The following ITGA1 variants were observed in gnomAD, a reference collection of about 807,000 sequenced individuals.
ITGA1 encodes integrin alpha-1.
A neutral mutation model predicts 145.9 loss-of-function variants in ITGA1; 85 were observed. The observed-to-expected ratio is 0.58, with a 90% CI of 0.49 to 0.70. ITGA1 has a LOEUF of 0.70. Ranked by LOEUF, ITGA1 falls within the 30% of genes least tolerant of loss-of-function variation. The pLI is 0.00. For missense variants in ITGA1, 1,351 were observed against 1,418.7 expected (o/e 0.95, Z 0.77); for synonymous variants, 520 against 495.3 (o/e 1.05, Z -0.66).
Position 52,908,938 on chromosome 5 carries a change from T to C in ITGA1, c.1496T>C (p.Ile499Thr). ...YFGSILTTTD[I>T]DKDSNTDILL... ...GGCAGTATTTTAACAACAACTGACA[T>C]TGACAAGGATTCTAATACTGACATT... is the stretch of plus-strand genomic sequence containing the variant. Residue 499 changes from isoleucine to threonine, a missense_variant, in exon 13 of 29, where the codon ATT becomes ACT. Physicochemically the swap from Ile to Thr is moderately conservative, Grantham distance 89. Transcript: ENST00000282588. The C allele has an allele frequency of 6.2e-7, 1 of 1,613,902 alleles. No homozygotes were observed. Among genetic ancestry groups the C allele is most frequent in the Non-Finnish European group, 8.5e-7 (1 of 1,179,858 alleles).
intron 12 of ITGA1, among the ~76,000 whole-genome samples, chr5:52,906,844 G>A (rs1307825932): frequency 6.6e-6 from 1 of 152,148 alleles, no homozygotes; most frequent in African/African-American, 2.4e-5. Flanking sequence ...CAGCAGTAAA[G>A]CTCAGGTGCA....
intron 15 of ITGA1, 90 bp from the exon 16 acceptor site, chr5:52,918,642 C>A: frequency 2.4e-6 from 3 of 1,264,132 alleles, no homozygotes; most frequent in South Asian, 1.5e-5. Context: ...GAAGCAGAAC[C>A]CTCTTCCATG....
At chr5:52,948,320 ATAGT>A (rs1284750109) in intron 28 of ITGA1, among the ~76,000 whole-genome samples, 3 of 152,210 alleles carry the variant, frequency 2.0e-5, no homozygotes, top group Non-Finnish European at 4.4e-5. Flanking sequence ...GTTTTGTTAA[ATAGT>A]TAAATTATGT....
intron 1 of ITGA1, chr5:52,800,670 G>A: frequency 6.2e-7 from 1 of 1,614,214 alleles, no homozygotes; most frequent in East Asian, 2.2e-5. Context: ...AAGAGAATGA[G>A]TATGTCAAGA....
chr5:52,917,858 T>C (rs1750671064), intron 15 of ITGA1, among the ~76,000 whole-genome samples: 1 of 152,214 alleles, frequency 6.6e-6, no homozygotes, highest in African/African-American at 2.4e-5. Flanking sequence ...GAGTCCATTG[T>C]TTTAACAGAA....
In ITGA1 at chr5:52,893,742, C is replaced by A; in HGVS notation, c.992C>A (p.Ala331Glu). The stretch of plus-strand genomic sequence containing the variant: ...TTTGTGGAGGAAATAAAATCAATTG[C>A]AAGTGAACCCACTGAAAAGCATTTC... ...EKFVEEIKSIASEPTEKHFFN... is the reference protein window; with the variant it reads ...EKFVEEIKSIESEPTEKHFFN... The change falls in exon 9 of 29, where the codon GCA becomes GAA. Residue 331 changes from alanine (A) to glutamate (E), a missense_variant. By Grantham distance (107) the Ala-to-Glu change is moderately radical. Coordinates refer to ENST00000282588, the MANE Select transcript of ITGA1 (RefSeq NM_181501.2). 6.2e-7 allele frequency: 1 copy of A among 1,612,712 alleles called. No homozygotes were observed. The highest frequency in any genetic ancestry group is 8.5e-7 in the Non-Finnish European group (1 of 1,179,014).
intron 28 of ITGA1, among the ~76,000 whole-genome samples, chr5:52,948,376 C>A (rs868110082): frequency 2.0e-5 from 3 of 152,086 alleles, no homozygotes. Context: ...GTTCTATTAC[C>A]TGAGCAACAT....
intron 1 of ITGA1, among the ~76,000 whole-genome samples, chr5:52,834,050 C>T (rs1344353599): frequency 2.6e-5 from 4 of 152,130 alleles, no homozygotes; most frequent in African/African-American, 4.8e-5. Context: ...CAATATAGAA[C>T]AATGTACAAT....
chr5:52,936,677 T>C (rs1045042033), intron 23 of ITGA1, among the ~76,000 whole-genome samples: 1 of 152,208 alleles, frequency 6.6e-6, no homozygotes, highest in Non-Finnish European at 1.5e-5. Flanking sequence ...GTGAGTTCAG[T>C]TTCCTGTTGA....
chr5:52,801,824 G>A, intron 1 of ITGA1: 2 of 1,604,754 alleles, frequency 1.2e-6, no homozygotes, highest in Non-Finnish European at 1.7e-6. Flanking sequence ...GGTGATTCCA[G>A]TTCTGAAGAG....
intron 6 of ITGA1, among the ~76,000 whole-genome samples, chr5:52,872,320 T>A (rs186427616): frequency 6.6e-5 from 10 of 152,184 alleles, no homozygotes; most frequent in Non-Finnish European, 1.3e-4. Flanking sequence ...GAATGTGGGG[T>A]AGGGAATGGG....
At chr5:52,800,891 A>G in intron 1 of ITGA1, 1 of 1,613,314 alleles carries the variant, frequency 6.2e-7, no homozygotes, top group Non-Finnish European at 8.5e-7. Context: ...GTGGAGGTGA[A>G]CATCCCTAGG....
chr5:52,796,963 G>A (rs1468021918), intron 1 of ITGA1, among the ~76,000 whole-genome samples: 4 of 152,056 alleles, frequency 2.6e-5, no homozygotes, highest in Non-Finnish European at 5.9e-5. Flanking sequence ...AGGGAACAAA[G>A]GTTACTTTCA....
At chr5:52,896,651 C>A (rs1004566427) in intron 9 of ITGA1, among the ~76,000 whole-genome samples, 3 of 152,014 alleles carry the variant, frequency 2.0e-5, no homozygotes, top group African/African-American at 7.2e-5. Flanking sequence ...AATCAGTAAC[C>A]CCTAGTGCAA....
chr5:52,926,066 A>G (rs1256969797), intron 19 of ITGA1, among the ~76,000 whole-genome samples: 2 of 152,142 alleles, frequency 1.3e-5, no homozygotes, highest in Non-Finnish European at 2.9e-5. Context: ...TGATCTCCAA[A>G]TGAATCCCAC....
At chr5:52,943,570 G>A (rs1751084608) in intron 26 of ITGA1, among the ~76,000 whole-genome samples, 1 of 152,122 alleles carries the variant, frequency 6.6e-6, no homozygotes, top group Non-Finnish European at 1.5e-5. Flanking sequence ...GTAGGGAGAG[G>A]CCTCCTCCAA....
chr5:52,864,924 A>G (rs1186198496), intron 4 of ITGA1, 47 bp from the exon 5 acceptor site: 3 of 1,563,912 alleles, frequency 1.9e-6, no homozygotes, highest in Admixed American at 3.5e-5. Flanking sequence ...GATCTGTTAT[A>G]TAATTTTCAG....
Position 52,864,995 on chromosome 5 carries a change from A to G in ITGA1, c.409A>G (p.Arg137Gly), listed in dbSNP as rs200352260. The change falls in exon 5 of 29, where the codon AGA becomes GGA. Residue 137 changes from arginine to glycine, a missense_variant. Arg to Gly is a moderately radical substitution (Grantham distance 125). Transcript: ENST00000282588. ...FLACGPLYAYRCGHLHYTTGI... is the reference protein window; with the variant it reads ...FLACGPLYAYGCGHLHYTTGI... ...GGCTTGTGGGCCCTTATATGCCTAT[A>G]GATGTGGACATTTGCATTACACAAC... is the stretch of plus-strand genomic sequence containing the variant. 83 of 1,613,374 alleles carry G rather than the reference A, an allele frequency of 5.1e-5. No homozygotes were observed. The Admixed American group carries it at 1.0e-3, about 19-fold the overall frequency.
rs538556941 is a variant in ITGA1, at chr5:52,901,041, G to T, written c.1309+2658G>T. Among the ~76,000 whole-genome samples, 8 of 152,300 alleles carry T rather than the reference G, an allele frequency of 5.3e-5. No homozygotes were observed. In the East Asian group the frequency reaches 1.5e-3, roughly 29 times the overall value. On this transcript the variant is annotated intron_variant, in intron 11 of 28. Transcript: ENST00000282588. ...TTTGCATGGCAAAAGGGACTTTTCAGATATGATGAAATTAAGGATCCCGAG... is the reference window on the plus strand; with the variant it reads ...TTTGCATGGCAAAAGGGACTTTTCATATATGATGAAATTAAGGATCCCGAG...
Sources: allele counts gnomAD v4.1 joint callset (sites outside exome capture counted in the v4.1 genomes callset), GRCh38; gene constraint gnomAD v4.1.1; transcripts MANE v1.5; gene names NCBI Gene and HGNC (gene_info 2026-07-23, HGNC 2026-07-21).